The following CCDC192 variants were observed in gnomAD, a reference collection of about 807,000 sequenced individuals.
CCDC192 encodes coiled-coil domain-containing protein 192.
intron 2 of CCDC192, among the ~76,000 whole-genome samples, chr5:127,710,553 C>T (rs1751265549): frequency 6.6e-6 from 1 of 151,976 alleles, no homozygotes; most frequent in African/African-American, 2.4e-5. Flanking sequence ...AAGGACTGAG[C>T]TTTATTAGTC....
intron 3 of CCDC192, among the ~76,000 whole-genome samples, chr5:127,764,037 A>G (rs1023969739): frequency 2.6e-5 from 4 of 152,200 alleles, no homozygotes; most frequent in Non-Finnish European, 5.9e-5. Context: ...ACTATACCAT[A>G]TAACACATGG....
At chr5:127,892,382 A>G (rs1371772787) in intron 6 of CCDC192, among the ~76,000 whole-genome samples, 1 of 152,236 alleles carries the variant, frequency 6.6e-6, no homozygotes, top group Admixed American at 6.5e-5. Context: ...CCTGGATGGA[A>G]CTAGCAGAAC....
chr5:127,930,796 G>T lies in CCDC192; in HGVS notation c.536-10386G>T, dbSNP rs573834695. Among the ~76,000 whole-genome samples the T allele has an allele frequency of 2.6e-5, 4 of 152,332 alleles. No homozygotes were observed. The East Asian group carries it at 7.7e-4, about 29-fold the overall frequency. The stretch of plus-strand genomic sequence containing the variant: ...GAGCACTTTGTGCTACTGGAGAGTA[G>T]ATAGAAGATGGGATACACACTGCAC... On this transcript the variant is annotated intron_variant, in intron 6 of 6. Coordinates refer to ENST00000514853, the MANE Select transcript of CCDC192 (RefSeq NM_001317938.2).
chr5:127,723,027 T>A (rs775468318), intron 2 of CCDC192, among the ~76,000 whole-genome samples: 16 of 152,336 alleles, frequency 1.1e-4, no homozygotes, highest in Middle Eastern at 3.4e-3. Flanking sequence ...TTGCATTGAA[T>A]CCGTACATTG....
At chr5:127,810,092 T>G (rs1166749693) in intron 5 of CCDC192, among the ~76,000 whole-genome samples, 1 of 152,208 alleles carries the variant, frequency 6.6e-6, no homozygotes, top group Non-Finnish European at 1.5e-5. Context: ...TTGTGGTGGT[T>G]GTTTCAGCCA....
intron 2 of CCDC192, among the ~76,000 whole-genome samples, chr5:127,739,215 G>A (rs1279100595): frequency 6.6e-6 from 1 of 152,100 alleles, no homozygotes; most frequent in African/African-American, 2.4e-5. Context: ...TGCCCCTGCT[G>A]GGGGGTGCCT....
intron 6 of CCDC192, among the ~76,000 whole-genome samples, chr5:127,939,859 C>T (rs921556086): frequency 6.6e-6 from 1 of 152,178 alleles, no homozygotes; most frequent in Admixed American, 6.5e-5. Flanking sequence ...TGTGGGACCT[C>T]AATTGTAACA....
chr5:127,872,348 G>A (rs1184647866), intron 5 of CCDC192, among the ~76,000 whole-genome samples: 1 of 152,120 alleles, frequency 6.6e-6, no homozygotes, highest in Non-Finnish European at 1.5e-5. Context: ...TCTAAGGGAC[G>A]CACAGGCTTT....
intron 5 of CCDC192, among the ~76,000 whole-genome samples, chr5:127,812,605 C>A (rs369524576): frequency 1.3e-5 from 2 of 151,806 alleles, no homozygotes; most frequent in African/African-American, 2.4e-5. Flanking sequence ...TCACTGTCTT[C>A]AAAAAAAATA....
intron 2 of CCDC192, among the ~76,000 whole-genome samples, chr5:127,715,980 A>G (rs79075084): frequency 2.2e-3 from 336 of 152,266 alleles, no homozygotes; most frequent in African/African-American, 7.4e-3. Context: ...GATTTTAGTA[A>G]AAATGTTTTC....
intron 2 of CCDC192, among the ~76,000 whole-genome samples, chr5:127,712,491 T>A (rs540438626): frequency 1.3e-5 from 2 of 152,204 alleles, no homozygotes; most frequent in Non-Finnish European, 2.9e-5. Flanking sequence ...CTTCCACCAT[T>A]AGTGGAAGCA....
chr5:127,916,794 C>G (rs1258414686), intron 6 of CCDC192, among the ~76,000 whole-genome samples: 2 of 152,186 alleles, frequency 1.3e-5, no homozygotes, highest in Non-Finnish European at 2.9e-5. Flanking sequence ...TTCTAGAGCA[C>G]AGGGAGAGTA....
chr5:127,704,838 AAAAT>A (rs57523949), intron 1 of CCDC192, among the ~76,000 whole-genome samples: 42,911 of 144,136 alleles, frequency 0.3, 6,454 homozygotes, highest in Middle Eastern at 0.43. Context: ...AACTCCATCT[AAAAT>A]AAATAAATAA....
At chr5:127,750,011 T>C (rs1754041603) in intron 2 of CCDC192, among the ~76,000 whole-genome samples, 1 of 151,850 alleles carries the variant, frequency 6.6e-6, no homozygotes, top group African/African-American at 2.4e-5. Flanking sequence ...TCTTTTTTTC[T>C]TTATTAGTCT....
At chr5:127,925,968 C>T (rs374620403) in intron 6 of CCDC192, among the ~76,000 whole-genome samples, 1 of 152,120 alleles carries the variant, frequency 6.6e-6, no homozygotes, top group African/African-American at 2.4e-5. Context: ...AATCAGGCAG[C>T]CCCCAGAATC....
At chr5:127,923,976 A>C (rs944294441) in intron 6 of CCDC192, among the ~76,000 whole-genome samples, 1 of 152,192 alleles carries the variant, frequency 6.6e-6, no homozygotes, top group East Asian at 1.9e-4. Context: ...GAATTCCCCC[A>C]GGTTTCACCT....
chr5:127,786,710 C>T lies in CCDC192; in HGVS notation c.223-10393C>T, dbSNP rs1756559371. On this transcript the variant is annotated intron_variant, in intron 3 of 6. Transcript: ENST00000514853. Reference sequence around the variant, plus strand: ...GTTGAGTGTAGAATTTCAGTACACTCTTGTCCATCAAATCTTCTCCATGCT... The same window carrying T: ...GTTGAGTGTAGAATTTCAGTACACTTTTGTCCATCAAATCTTCTCCATGCT... 8.2e-6 allele frequency: 6 copies of T among 735,216 alleles called. No homozygotes were observed. The South Asian group carries it at 8.7e-5, about 11-fold the overall frequency. The allele number at this position is 735,216 out of a possible 1,614,324, so 45.5% of individuals were successfully genotyped here. A position where few individuals can be genotyped will look rare whatever the true frequency, so the allele number is the denominator to read the frequency against.
intron 2 of CCDC192, among the ~76,000 whole-genome samples, chr5:127,709,248 A>AGAGAGAGAGAG (rs1751182641): frequency 3.7e-5 from 5 of 135,438 alleles, no homozygotes; most frequent in South Asian, 2.4e-4. Context: ...AGAGAGAGAG[A>AGAGAGAGAGAG]AATGCTACAC....
chr5:127,899,151 C>G (rs1752973218), intron 6 of CCDC192, among the ~76,000 whole-genome samples: 1 of 152,160 alleles, frequency 6.6e-6, no homozygotes, highest in Admixed American at 6.5e-5. Flanking sequence ...ATCTTTATTT[C>G]TCTGTTTTGC....
Sources: allele counts gnomAD v4.1 joint callset (sites outside exome capture counted in the v4.1 genomes callset), GRCh38; gene constraint gnomAD v4.1.1; transcripts MANE v1.5; gene names NCBI Gene and HGNC (gene_info 2026-07-23, HGNC 2026-07-21).